DMD: variants seen among roughly 807,000 people sequenced by gnomAD.
DMD encodes the protein mutant dystrophin.
Under a neutral mutation model 330.1 loss-of-function variants are expected in DMD, and 63 were observed. The observed-to-expected ratio is 0.19, with a 90% CI of 0.16 to 0.24. The LOEUF is 0.24. Among genes scored for constraint, DMD ranks in the 10% least tolerant of loss-of-function variants. The pLI is 1.00. For missense variants in DMD, 3,344 were observed against 2,684.1 expected (o/e 1.25, Z -5.43); for synonymous variants, 1,223 against 959.8 (o/e 1.27, Z -5.07).
chrX:31,875,881 T>A (rs777038373), intron 47 of DMD, among the ~76,000 whole-genome samples: 21 of 112,569 alleles, frequency 1.9e-4, no homozygotes, highest in Non-Finnish European at 3.6e-4. Context: ...AAACCAACTA[T>A]AATTTTGTTT....
intron 9 of DMD, among the ~76,000 whole-genome samples, chrX:32,655,074 G>C (rs929295044): frequency 5.4e-5 from 6 of 110,381 alleles, no homozygotes; most frequent in African/African-American, 9.9e-5. Flanking sequence ...TATCAATTTT[G>C]TTGATCATAA....
chrX:32,857,149 C>T (rs1025919475), intron 2 of DMD, among the ~76,000 whole-genome samples: 2 of 111,755 alleles, frequency 1.8e-5, no homozygotes, highest in Admixed American at 9.5e-5. Context: ...ACAGATACTT[C>T]ACTTACCCTG....
intron 11 of DMD, among the ~76,000 whole-genome samples, chrX:32,635,232 G>A (rs73467312): frequency 1.8e-5 from 2 of 111,429 alleles, no homozygotes; most frequent in Non-Finnish European, 3.8e-5. Flanking sequence ...GGGAGAGCTG[G>A]TATAGGTGAT....
chrX:33,065,558 C>T (rs1370670156), intron 1 of DMD, among the ~76,000 whole-genome samples: 1 of 109,386 alleles, frequency 9.1e-6, no homozygotes, highest in Non-Finnish European at 1.9e-5. Context: ...TACATGCTGC[C>T]TACTGGCACC....
intron 7 of DMD, among the ~76,000 whole-genome samples, chrX:32,751,390 A>C (rs1013403389): frequency 9.0e-6 from 1 of 111,506 alleles, no homozygotes; most frequent in African/African-American, 3.3e-5. Context: ...TTTAGCAAAG[A>C]GACTGGGAGC....
intron 55 of DMD, among the ~76,000 whole-genome samples, chrX:31,616,068 G>T (rs2148334371): frequency 9.0e-6 from 1 of 111,626 alleles, no homozygotes; most frequent in East Asian, 2.8e-4. Flanking sequence ...ATTCAGAAAT[G>T]CGTCTATGGT....
intron 62 of DMD, among the ~76,000 whole-genome samples, chrX:31,264,663 C>T (rs1021330297): frequency 9.9e-5 from 11 of 111,534 alleles, no homozygotes; most frequent in African/African-American, 2.9e-4. Context: ...TTATTTGAGG[C>T]GGTGATAGGA....
intron 55 of DMD, among the ~76,000 whole-genome samples, chrX:31,603,184 T>C (rs1386282600): frequency 9.0e-6 from 1 of 110,722 alleles, no homozygotes; most frequent in East Asian, 2.9e-4. Context: ...GAGATAAGCA[T>C]AGCTAAACCA....
chrX:31,574,399 TC>T (rs1310682929), intron 55 of DMD, among the ~76,000 whole-genome samples: 5 of 110,704 alleles, frequency 4.5e-5, no homozygotes, highest in Non-Finnish European at 9.4e-5. Flanking sequence ...TGCCTCGGCC[TC>T]CCAAAGTGCT....
At chrX:31,611,267 T>C (rs1041452344) in intron 55 of DMD, among the ~76,000 whole-genome samples, 3 of 110,185 alleles carry the variant, frequency 2.7e-5, no homozygotes, top group African/African-American at 9.9e-5. Flanking sequence ...GTAAAGATGG[T>C]GTCCGTGGTA....
chrX:31,583,931 C>T (rs12690222), intron 55 of DMD, among the ~76,000 whole-genome samples: 3 of 82,089 alleles, frequency 3.7e-5, no homozygotes, highest in African/African-American at 1.4e-4. Flanking sequence ...ACAACAGGCC[C>T]TGGTGTGTGA....
chrX:32,390,281 T>C, intron 30 of DMD, 100 bp from the exon 31 acceptor site: 4 of 616,613 alleles, frequency 6.5e-6, no homozygotes, highest in South Asian at 2.4e-5. Flanking sequence ...ACCTCTACCA[T>C]GTAGCTTCCT....
At chrX:32,357,239 G>A (rs2097804931) in intron 37 of DMD, among the ~76,000 whole-genome samples, 1 of 111,797 alleles carries the variant, frequency 8.9e-6, no homozygotes, top group Non-Finnish European at 1.9e-5. Context: ...AGTTAAATTT[G>A]GAGTCATTTT....
chrX:31,346,932 C>T (rs1490403589), intron 61 of DMD, among the ~76,000 whole-genome samples: 2 of 88,862 alleles, frequency 2.3e-5, no homozygotes, highest in Admixed American at 1.5e-4. Context: ...ACCCGGGAGG[C>T]GGAGGTTGCA....
chrX:33,338,474 A>C (rs1279659400), intron 1 of DMD, among the ~76,000 whole-genome samples: 1 of 108,037 alleles, frequency 9.3e-6, no homozygotes, highest in Non-Finnish European at 1.9e-5. Context: ...TAAATAAATA[A>C]ATAAATAAAT....
intron 60 of DMD, among the ~76,000 whole-genome samples, chrX:31,365,094 C>CAAAAAA (rs35244488): frequency 2.3e-5 from 1 of 44,144 alleles, no homozygotes; most frequent in African/African-American, 8.7e-5. Context: ...GACCCCATCT[C>CAAAAAA]AAAAAAAAAA....
rs780018882 is a variant in DMD, at chrX:32,287,681, T to C, written c.6138A>G (p.Gln2046=). The stretch of plus-strand genomic sequence containing the variant: ...TAATGTCAATCCGACCTGAGCTTTG[T>C]TGTAGACTATCTTTTATATTCTGTA... ...ESLKNIKDSL[Q]QSSGRIDIIH... The change falls in exon 43 of 79, where the codon CAA becomes CAG. Residue 2046 remains glutamine, a synonymous_variant. Coordinates refer to ENST00000357033, the MANE Select transcript of DMD (RefSeq NM_004006.3). 3.3e-6 allele frequency: 4 copies of C among 1,201,910 alleles called. No individual in the cohort carries two copies. In the Admixed American group the frequency reaches 6.6e-5, roughly 20 times the overall value.
intron 12 of DMD, among the ~76,000 whole-genome samples, chrX:32,606,973 C>A (rs765869964): frequency 8.2e-5 from 9 of 109,116 alleles, no homozygotes; most frequent in Non-Finnish European, 1.2e-4. Flanking sequence ...ATAATATAAA[C>A]TGGAAACTAC....
chrX:31,812,410 C>T (rs1188675055), intron 50 of DMD, among the ~76,000 whole-genome samples: 7 of 72,262 alleles, frequency 9.7e-5, no homozygotes, highest in African/African-American at 3.5e-4. Context: ...CACACTGGGG[C>T]CTGCTGTGGG....
Sources: allele counts gnomAD v4.1 joint callset (sites outside exome capture counted in the v4.1 genomes callset), GRCh38; gene constraint gnomAD v4.1.1; transcripts MANE v1.5; gene names NCBI Gene and HGNC (gene_info 2026-07-23, HGNC 2026-07-21).